COX10: variants seen among roughly 807,000 people sequenced by gnomAD.
COX10 encodes cytochrome c oxidase assembly factor heme A:farnesyltransferase COX10, also known as protoheme IX farnesyltransferase, mitochondrial.
In COX10, 27 loss-of-function variants were observed where a neutral mutation model predicts 37.3. That is an observed-to-expected ratio of 0.72 (90% CI 0.53 to 1.00). The LOEUF is 1.00. COX10 is among the 50% of genes least tolerant of loss of function. The pLI is 0.00. For missense variants in COX10, 475 were observed against 563.2 expected, an observed-to-expected ratio of 0.84 and a Z score of 1.59; for synonymous variants, 222 against 229.1, an observed-to-expected ratio of 0.97 and a Z score of 0.28.
intron 4 of COX10, among the ~76,000 whole-genome samples, chr17:14,137,885 T>G (rs1342889360): frequency 2.6e-5 from 4 of 151,886 alleles, no homozygotes; most frequent in African/African-American, 9.7e-5. Flanking sequence ...ATTATTCAGA[T>G]AGAGTTTTGT....
chr17:14,089,934 C>T (rs1915486708), intron 3 of COX10, among the ~76,000 whole-genome samples: 2 of 152,124 alleles, frequency 1.3e-5, no homozygotes, highest in African/African-American at 4.8e-5. Flanking sequence ...CCTTGCTTCC[C>T]ATTACTCACA....
At chr17:14,165,387 AT>A (rs1004259537) in intron 5 of COX10, among the ~76,000 whole-genome samples, 3 of 152,048 alleles carry the variant, frequency 2.0e-5, no homozygotes, top group African/African-American at 7.3e-5. Flanking sequence ...CTTTTTTATT[AT>A]TATATCTGAC....
chr17:14,205,948 G>A (rs1443358739), intron 6 of COX10, among the ~76,000 whole-genome samples: 7 of 152,128 alleles, frequency 4.6e-5, no homozygotes, highest in African/African-American at 1.2e-4. Context: ...GGTGCTCAGG[G>A]TGTTATGTCC....
intron 4 of COX10, among the ~76,000 whole-genome samples, chr17:14,153,140 G>A (rs1414283787): frequency 6.6e-6 from 1 of 152,158 alleles, no homozygotes; most frequent in East Asian, 1.9e-4. Context: ...AGCCATCATG[G>A]TTCACCCTTG....
intron 4 of COX10, among the ~76,000 whole-genome samples, chr17:14,149,421 C>CT (rs1400847548): frequency 6.6e-6 from 1 of 152,104 alleles, no homozygotes; most frequent in African/African-American, 2.4e-5. Context: ...CATCTTCTCA[C>CT]TTTTTTGTAA....
chr17:14,096,937 A>G (rs1226374182), intron 3 of COX10, among the ~76,000 whole-genome samples: 1 of 152,078 alleles, frequency 6.6e-6, no homozygotes, highest in African/African-American at 2.4e-5. Flanking sequence ...TTACTCTCCC[A>G]TGGGCTCCCA....
chr17:14,110,004 GA>G lies in COX10; in HGVS notation c.624+7770del, dbSNP rs879763875. ...TTGAGTCTAGATTCCTGGGATTTCA[GA>G]AAAAAAAGAACTATTTTGGAAGATG... On this transcript the variant is annotated intron_variant, in intron 4 of 6. Coordinates refer to ENST00000261643, the MANE Select transcript of COX10 (RefSeq NM_001303.4). Among the ~76,000 whole-genome samples, 5 of 151,450 alleles carry G rather than the reference GA, an allele frequency of 3.3e-5. No individual in the cohort carries two copies. The East Asian group carries it at 7.7e-4, about 23-fold the overall frequency.
At chr17:14,081,667 A>G (rs948392770) in intron 3 of COX10, among the ~76,000 whole-genome samples, 2 of 152,212 alleles carry the variant, frequency 1.3e-5, no homozygotes, top group Non-Finnish European at 2.9e-5. Context: ...ACTAGGGATA[A>G]TAATAGTACT....
intron 5 of COX10, among the ~76,000 whole-genome samples, chr17:14,175,734 A>C (rs1007045125): frequency 1.3e-5 from 2 of 151,766 alleles, no homozygotes. Flanking sequence ...GGAAAGAGAC[A>C]GAATGATAAT....
chr17:14,117,778 G>A (rs957898586), intron 4 of COX10, among the ~76,000 whole-genome samples: 2 of 152,180 alleles, frequency 1.3e-5, no homozygotes, highest in Non-Finnish European at 2.9e-5. Context: ...AATCAGCTCA[G>A]TTAGACCTTC....
chr17:14,132,070 C>G (rs989289834), intron 4 of COX10, among the ~76,000 whole-genome samples: 53 of 151,782 alleles, frequency 3.5e-4, no homozygotes, highest in Non-Finnish European at 1.2e-4. Context: ...TCATAATATT[C>G]TTATATCCTA....
chr17:14,200,256 T>C (rs975943508), intron 6 of COX10, among the ~76,000 whole-genome samples: 1 of 152,232 alleles, frequency 6.6e-6, no homozygotes, highest in African/African-American at 2.4e-5. Context: ...GCCTTAGTTT[T>C]GTCAGCAAAG....
intron 1 of COX10, among the ~76,000 whole-genome samples, chr17:14,071,160 A>G (rs79532323): frequency 0.012 from 1,847 of 152,264 alleles, 32 homozygotes; most frequent in African/African-American, 0.042. Flanking sequence ...GTTGCTTCAA[A>G]TATCTTCTCT....
chr17:14,100,344 A>G (rs1249677765), intron 3 of COX10, among the ~76,000 whole-genome samples: 1 of 152,114 alleles, frequency 6.6e-6, no homozygotes. Flanking sequence ...GCAGTGAACT[A>G]CACAGACAGG....
chr17:14,142,595 G>A (rs1904578579), intron 4 of COX10, among the ~76,000 whole-genome samples: 1 of 152,064 alleles, frequency 6.6e-6, no homozygotes, highest in Non-Finnish European at 1.5e-5. Flanking sequence ...TAAAAATAAA[G>A]CACCATTGAA....
intron 5 of COX10, among the ~76,000 whole-genome samples, chr17:14,170,555 C>G (rs2856181): frequency 0.58 from 87,946 of 151,986 alleles, 25,880 homozygotes; most frequent in Non-Finnish European, 0.62. Context: ...TGGTTCACAC[C>G]TATAATTTCA....
intron 3 of COX10, among the ~76,000 whole-genome samples, chr17:14,095,665 G>A (rs924024106): frequency 6.6e-6 from 1 of 152,168 alleles, no homozygotes; most frequent in Non-Finnish European, 1.5e-5. Context: ...GGGTCTAACC[G>A]GGCTGAATTC....
intron 5 of COX10, among the ~76,000 whole-genome samples, chr17:14,165,040 CA>C (rs1905249558): frequency 6.6e-6 from 1 of 152,202 alleles, no homozygotes; most frequent in Admixed American, 6.5e-5. Flanking sequence ...AACTACATGT[CA>C]CCCCGTACAG....
chr17:14,202,773 T>A (rs1298191023), intron 6 of COX10, among the ~76,000 whole-genome samples: 2 of 137,992 alleles, frequency 1.4e-5, no homozygotes, highest in Non-Finnish European at 3.1e-5. Context: ...CCCCCTGCGC[T>A]GGGGGAAGAT....
Sources: allele counts gnomAD v4.1 joint callset (sites outside exome capture counted in the v4.1 genomes callset), GRCh38; gene constraint gnomAD v4.1.1; transcripts MANE v1.5; gene names NCBI Gene and HGNC (gene_info 2026-07-23, HGNC 2026-07-21).